The following PPIL6 variants were observed in gnomAD, a reference collection of about 807,000 sequenced individuals.
The protein encoded by PPIL6 is probable inactive peptidyl-prolyl cis-trans isomerase-like 6.
PPIL6 carries 39 observed loss-of-function variants against 36.8 expected under a neutral mutation model. The observed-to-expected ratio is 1.06, with a 90% CI of 0.82 to 1.38. The LOEUF (loss-of-function observed/expected upper bound fraction) is 1.38, where lower values mean the gene tolerates loss of function less well. Ranked by LOEUF, PPIL6 falls within the 40% of genes most tolerant of loss-of-function variation. The probability of loss-of-function intolerance (pLI) is 0.00; values close to 1 mark genes in which losing one functional copy is unlikely to be tolerated. For synonymous variants in PPIL6, 123 were observed against 134.1 expected, an observed-to-expected ratio of 0.92 and a Z score of 0.57; for missense variants, 368 against 379.1, an observed-to-expected ratio of 0.97 and a Z score of 0.24.
At chr6:109,437,669 C>G (rs759558071) in intron 1 of PPIL6, among the ~76,000 whole-genome samples, 1 of 151,510 alleles carries the variant, frequency 6.6e-6, no homozygotes, top group Non-Finnish European at 1.5e-5. Context: ...ATTCTCCTAC[C>G]TCAGCCTCCC....
chr6:109,407,323 T>C (rs1278290632), intron 6 of PPIL6, among the ~76,000 whole-genome samples: 2 of 151,844 alleles, frequency 1.3e-5, no homozygotes, highest in Non-Finnish European at 2.9e-5. Context: ...CACTGCAAGC[T>C]CTGCCTCCCG....
chr6:109,396,017 A>T (rs567509872), intron 7 of PPIL6, among the ~76,000 whole-genome samples: 139 of 151,618 alleles, frequency 9.2e-4, no homozygotes, highest in Non-Finnish European at 1.8e-3. Flanking sequence ...TATTTTTTTT[A>T]GTAGAGATGA....
chr6:109,394,097 G>A (rs970238648), intron 7 of PPIL6, among the ~76,000 whole-genome samples: 3 of 152,014 alleles, frequency 2.0e-5, no homozygotes, highest in Non-Finnish European at 4.4e-5. Flanking sequence ...TCGACTGGAT[G>A]TGGTGACTCA....
At chr6:109,402,423 C>T (rs1252879694) in intron 6 of PPIL6, among the ~76,000 whole-genome samples, 1 of 152,102 alleles carries the variant, frequency 6.6e-6, no homozygotes, top group Middle Eastern at 3.2e-3. Flanking sequence ...GTAATCCCAG[C>T]CACTTAGGAG....
At chr6:109,438,926 G>A (rs896079457) in intron 1 of PPIL6, among the ~76,000 whole-genome samples, 14 of 152,164 alleles carry the variant, frequency 9.2e-5, no homozygotes, top group African/African-American at 2.7e-4. Context: ...TGTATTTCAC[G>A]TTATGTGAAA....
chr6:109,399,526 C>T (rs1035561215), intron 7 of PPIL6, among the ~76,000 whole-genome samples: 3 of 152,202 alleles, frequency 2.0e-5, no homozygotes, highest in South Asian at 2.1e-4. Flanking sequence ...CCTCAGCCTC[C>T]GGAGTGGCTG....
At chr6:109,415,037 C>T (rs1314747132) in intron 6 of PPIL6, among the ~76,000 whole-genome samples, 2 of 152,132 alleles carry the variant, frequency 1.3e-5, no homozygotes, top group Non-Finnish European at 2.9e-5. Flanking sequence ...TAACAGTCTT[C>T]ATCCTTGTCA....
intron 5 of PPIL6, among the ~76,000 whole-genome samples, chr6:109,422,819 T>C (rs1392841409): frequency 1.3e-5 from 2 of 152,246 alleles, no homozygotes; most frequent in African/African-American, 4.8e-5. Context: ...GCCTGAAGCA[T>C]ATTAATTATT....
chr6:109,422,840 G>A (rs780288511), intron 5 of PPIL6, among the ~76,000 whole-genome samples: 30 of 152,198 alleles, frequency 2.0e-4, no homozygotes, highest in African/African-American at 6.8e-4. Flanking sequence ...TGGTATGCTC[G>A]AGAAAATTCA....
intron 3 of PPIL6, among the ~76,000 whole-genome samples, chr6:109,427,676 G>A (rs569784333): frequency 6.6e-6 from 1 of 152,112 alleles, no homozygotes; most frequent in Non-Finnish European, 1.5e-5. Context: ...GTGAGCTACC[G>A]CCGCACCCAG....
chr6:109,440,366 C>A (rs1774764688), intron 1 of PPIL6, 90 bp downstream of exon 1: 4 of 1,450,402 alleles, frequency 2.8e-6, no homozygotes, highest in African/African-American at 1.4e-5. Context: ...CGACCCCCGC[C>A]GCCTCGAGGA....
At chr6:109,399,055 A>T (rs1301919536) in intron 7 of PPIL6, among the ~76,000 whole-genome samples, 1 of 151,420 alleles carries the variant, frequency 6.6e-6, no homozygotes, top group Non-Finnish European at 1.5e-5. Context: ...CTTCTTCAGT[A>T]GCTGGGACTA....
Position 109,428,550 on chromosome 6 carries a change from GAA to G in PPIL6, c.421-1396_421-1395del, listed in dbSNP as rs1456142709. On this transcript the variant is annotated intron_variant, in intron 3 of 7. Coordinates refer to ENST00000521072, the MANE Select transcript of PPIL6 (RefSeq NM_173672.5). ...CCTGGGTGACAGAGTGAGACCCTAT[GAA>G]GAAAAAAAAAAAAAAAAAACCACCT... is the stretch of plus-strand genomic sequence containing the variant. Among the ~76,000 whole-genome samples the G allele has an allele frequency of 1.1e-3, 92 of 85,812 alleles. 2 individuals carry two copies. The highest frequency in any genetic ancestry group is 3.2e-3 in the Admixed American group (23 of 7,150). The allele number at this position is 85,812 out of a possible 152,430, so 56.3% of individuals were successfully genotyped here. A position where few individuals can be genotyped will look rare whatever the true frequency, so the allele number is the denominator to read the frequency against.
At position 109,423,340 on chromosome 6, in the gene PPIL6, T is replaced by C. The variant is rs528327502; in HGVS notation, c.631+3507A>G. Reference sequence around the variant, plus strand: ...TGAGATGGTGCCACGTAATCCAGCCTGGATGACGGAGCGAAACTCTGCCTC... The same window carrying C: ...TGAGATGGTGCCACGTAATCCAGCCCGGATGACGGAGCGAAACTCTGCCTC... On this transcript the variant is annotated intron_variant, in intron 5 of 7. Coordinates refer to ENST00000521072, the MANE Select transcript of PPIL6 (RefSeq NM_173672.5). Among the ~76,000 whole-genome samples, 4 of 152,148 alleles carry C rather than the reference T, an allele frequency of 2.6e-5. No individual in the cohort carries two copies. In the East Asian group the frequency reaches 7.7e-4, roughly 29 times the overall value.
At chr6:109,398,932 A>G (rs1380519792) in intron 7 of PPIL6, among the ~76,000 whole-genome samples, 2 of 151,892 alleles carry the variant, frequency 1.3e-5, no homozygotes, top group African/African-American at 4.8e-5. Context: ...TTCTGTTTTT[A>G]TTTTTTTATT....
chr6:109,437,870 C>T (rs1774543093), intron 1 of PPIL6, among the ~76,000 whole-genome samples: 1 of 152,070 alleles, frequency 6.6e-6, no homozygotes, highest in Admixed American at 6.5e-5. Context: ...GCACCTGGCC[C>T]GGTTGACTGC....
chr6:109,398,106 G>C (rs1254947477), intron 7 of PPIL6, among the ~76,000 whole-genome samples: 1 of 152,064 alleles, frequency 6.6e-6, no homozygotes, highest in African/African-American at 2.4e-5. Flanking sequence ...TGGCCAGGAT[G>C]GTCTTGAACT....
At chr6:109,398,234 T>C (rs1562254820) in intron 7 of PPIL6, among the ~76,000 whole-genome samples, 1 of 152,170 alleles carries the variant, frequency 6.6e-6, no homozygotes, top group Non-Finnish European at 1.5e-5. Flanking sequence ...GAATACAATT[T>C]ATTGGGGACC....
In PPIL6 at chr6:109,400,165, T is replaced by C. The variant is rs112077923; in HGVS notation, c.694A>G (p.Asn232Asp). Residue 232 changes from asparagine to aspartate, a missense_variant, in exon 7 of 8, where the codon AAC becomes GAC. Asn to Asp is a conservative substitution (Grantham distance 23, BLOSUM62 1). Transcript: ENST00000521072. ...SIYGPTFEDE[N>D]FSVPHNKRGV... ...CTTTTATTATGAGGAACTGAAAAGT[T>C]TTCATCTAGGAAAGACAATAATCAG... The C allele has an allele frequency of 7.7e-5, 124 of 1,610,996 alleles. No individual in the cohort carries two copies. The African/African-American group carries it at 1.5e-3, about 19-fold the overall frequency.
Sources: allele counts gnomAD v4.1 joint callset (sites outside exome capture counted in the v4.1 genomes callset), GRCh38; gene constraint gnomAD v4.1.1; transcripts MANE v1.5; gene names NCBI Gene and HGNC (gene_info 2026-07-23, HGNC 2026-07-21).